SEPTIN2: variants seen among roughly 807,000 people sequenced by gnomAD.
The protein encoded by SEPTIN2 is septin 2.
Under a neutral mutation model 46.5 loss-of-function variants are expected in SEPTIN2, and 34 were observed. That is an observed-to-expected ratio of 0.73 (90% CI 0.56 to 0.97). The LOEUF (loss-of-function observed/expected upper bound fraction) is 0.97, where lower values mean the gene tolerates loss of function less well. Among genes scored for constraint, SEPTIN2 ranks in the 50% least tolerant of loss-of-function variants. The pLI is 0.00. For missense variants in SEPTIN2, 347 were observed against 448.4 expected, an observed-to-expected ratio of 0.77 and a Z score of 2.04; for synonymous variants, 175 against 153.4, an observed-to-expected ratio of 1.14 and a Z score of -1.04.
chr2:241,332,515 G>A (rs941418610), intron 3 of SEPTIN2, among the ~76,000 whole-genome samples: 5 of 152,212 alleles, frequency 3.3e-5, no homozygotes. Flanking sequence ...GTGTCAGCAA[G>A]GATGTGAAAC....
At chr2:241,333,660 C>T (rs1016128698) in intron 3 of SEPTIN2, among the ~76,000 whole-genome samples, 6 of 151,912 alleles carry the variant, frequency 3.9e-5, no homozygotes, top group East Asian at 1.9e-4. Flanking sequence ...CCCGCCACCA[C>T]GCCCGGCTAA....
chr2:241,327,772 C>T (rs181533392), intron 3 of SEPTIN2, among the ~76,000 whole-genome samples: 5 of 152,046 alleles, frequency 3.3e-5, no homozygotes, highest in East Asian at 1.9e-4. Context: ...CAGATCAGGC[C>T]TGGTGTGGTG....
At chr2:241,326,740 C>T (rs2078039536) in intron 3 of SEPTIN2, among the ~76,000 whole-genome samples, 1 of 152,196 alleles carries the variant, frequency 6.6e-6, no homozygotes, top group South Asian at 2.1e-4. Flanking sequence ...TACAGGGAAG[C>T]CCACCAAGTA....
intron 3 of SEPTIN2, among the ~76,000 whole-genome samples, chr2:241,327,859 C>T (rs917774527): frequency 6.0e-5 from 9 of 150,212 alleles, no homozygotes; most frequent in African/African-American, 2.2e-4. Context: ...AAGACCAGTT[C>T]AAGAGCAACA....
Position 241,336,048 on chromosome 2 carries a change from G to T in SEPTIN2, c.291G>T (p.Leu97=), listed in dbSNP as rs2150048949. The T allele has an allele frequency of 6.2e-7, 1 of 1,614,202 alleles. No homozygotes were observed. The highest frequency in any genetic ancestry group is 8.5e-7 in the Non-Finnish European group (1 of 1,180,018). Residue 97 remains leucine, a synonymous_variant, in exon 5 of 13, where the codon CTG becomes CTT. Transcript: ENST00000391971. ...AAGAGCGAGGGGTCAAGCTACGCCT[G>T]ACAGTGGTAGATACCCCTGGCTATG... ...EIEERGVKLR[L]TVVDTPGYGD... is the part of the protein sequence containing the mutation.
chr2:241,335,079 G>A (rs750219521), intron 3 of SEPTIN2, 47 bp from the exon 4 acceptor site: 42 of 1,306,424 alleles, frequency 3.2e-5, no homozygotes, highest in Non-Finnish European at 4.5e-5. Context: ...CGATTGAATG[G>A]TGTCATATGA....
intron 1 of SEPTIN2, chr2:241,317,476 C>T (rs1295418805): frequency 1.1e-6 from 1 of 917,244 alleles, no homozygotes; most frequent in East Asian, 1.2e-4. Context: ...TAATTCAGGG[C>T]CCCTTTTTAT....
At chr2:241,326,191 C>A in intron 3 of SEPTIN2, 78 bp downstream of exon 3, 1 of 1,350,732 alleles carries the variant, frequency 7.4e-7, no homozygotes, top group Non-Finnish European at 9.9e-7. Context: ...GATAACGTGA[C>A]CTATAAAGAA....
intron 10 of SEPTIN2, among the ~76,000 whole-genome samples, chr2:241,347,491 C>T (rs2060364157): frequency 6.6e-6 from 1 of 152,164 alleles, no homozygotes; most frequent in African/African-American, 2.4e-5. Context: ...GGAGCTTACC[C>T]TTTGCCCCTC....
In SEPTIN2 at chr2:241,335,976, A is replaced by G; in HGVS notation, c.219A>G (p.Glu73=). Residue 73 remains glutamate (E), a splice_region_variant and synonymous_variant, in exon 5 of 13, where the codon GAA becomes GAG. Coordinates refer to ENST00000391971, the MANE Select transcript of SEPTIN2 (RefSeq NM_004404.5). ...CTATTAAGTTTGTTTCTTTTCTAGA[A>G]AAAATTGAAAGAACTGTCCAGATTG... ...YPERVIPGAA[E]KIERTVQIEA... 3 of 1,614,162 alleles carry G rather than the reference A, an allele frequency of 1.9e-6. No homozygotes were observed. The highest frequency in any genetic ancestry group is 2.5e-6 in the Non-Finnish European group (3 of 1,180,018).
chr2:241,338,894 TATATATA>T (rs1292321741), intron 7 of SEPTIN2, among the ~76,000 whole-genome samples: 1 of 79,900 alleles, frequency 1.3e-5, no homozygotes, highest in African/African-American at 5.3e-5. Flanking sequence ...TAATATATAT[TATATATA>T]TTATATATAA....
At chr2:241,338,947 A>T (rs1459801762) in intron 7 of SEPTIN2, among the ~76,000 whole-genome samples, 1 of 80,136 alleles carries the variant, frequency 1.2e-5, no homozygotes, top group East Asian at 3.0e-4. Flanking sequence ...TATATATATT[A>T]TATATATAAT....
chr2:241,339,965 A>T (rs1221863390), intron 7 of SEPTIN2, among the ~76,000 whole-genome samples: 2 of 152,250 alleles, frequency 1.3e-5, no homozygotes, highest in Non-Finnish European at 2.9e-5. Context: ...TGTCTGGCAC[A>T]TAATAGATTT....
chr2:241,316,192 A>G, intron 1 of SEPTIN2: 3 of 294,130 alleles, frequency 1.0e-5, no homozygotes, highest in South Asian at 9.9e-5. Flanking sequence ...TGCCGGCGAC[A>G]GTGGCTCCGA....
intron 4 of SEPTIN2, chr2:241,335,532 A>G (rs2079805452): frequency 1.5e-6 from 1 of 656,916 alleles, no homozygotes; most frequent in Non-Finnish European, 2.7e-6. Context: ...TGTAACTAGA[A>G]GATTACTAGG....
At chr2:241,335,806 C>T (rs1251352629) in intron 4 of SEPTIN2, 169 bp from the exon 5 acceptor site, 12 of 754,186 alleles carry the variant, frequency 1.6e-5, no homozygotes, top group Non-Finnish European at 2.5e-5. Flanking sequence ...TAGCTTTAAC[C>T]TTCCCCTTTC....
rs2077593101 is a variant in SEPTIN2 at position 241,324,326 on chromosome 2, CATT to C, written c.9+89_9+91del. On this transcript the variant is annotated intron_variant, in intron 2 of 12. Transcript: ENST00000391971. Reference sequence around the variant, plus strand: ...GTTGACAGTCGGGACTTATATGATTCATTATTTTTAATACAACTGATACATTTG... The same window carrying C: ...GTTGACAGTCGGGACTTATATGATTCATTTTTAATACAACTGATACATTTG... 4.7e-6 allele frequency: 5 copies of C among 1,060,664 alleles called. No homozygotes were observed. In the Admixed American group the frequency reaches 1.1e-4, roughly 23 times the overall value. 65.7% of individuals were successfully genotyped at this position (1,060,664 alleles called of 1,614,324 possible). A position where few individuals can be genotyped will look rare whatever the true frequency, so the allele number is the denominator to read the frequency against.
At chr2:241,345,331 G>T (rs2081866286) in intron 9 of SEPTIN2, among the ~76,000 whole-genome samples, 1 of 152,218 alleles carries the variant, frequency 6.6e-6, no homozygotes. Flanking sequence ...CAATTTAATG[G>T]TTGTGTAAGA....
intron 7 of SEPTIN2, among the ~76,000 whole-genome samples, chr2:241,341,606 A>G (rs775177412): frequency 3.9e-5 from 6 of 152,220 alleles, no homozygotes; most frequent in Admixed American, 3.9e-4. Context: ...GATTTATGAA[A>G]AGACTGAAGG....
Sources: allele counts gnomAD v4.1 joint callset (sites outside exome capture counted in the v4.1 genomes callset), GRCh38; gene constraint gnomAD v4.1.1; transcripts MANE v1.5; gene names NCBI Gene and HGNC (gene_info 2026-07-23, HGNC 2026-07-21).